ATRNL1: variants seen among roughly 807,000 people sequenced by gnomAD.
ATRNL1 encodes attractin like 1.
In ATRNL1, 95 loss-of-function variants were observed where a neutral mutation model predicts 182.7. That is an observed-to-expected ratio of 0.52 (90% confidence interval 0.44 to 0.62). ATRNL1 has a LOEUF of 0.62. ATRNL1 is among the 20% of genes least tolerant of loss of function. The pLI is 0.00. For synonymous variants in ATRNL1, 576 were observed against 568.3 expected (o/e 1.01, Z -0.19); for missense variants, 1,471 against 1,679.5 (o/e 0.88, Z 2.17).
intron 25 of ATRNL1, among the ~76,000 whole-genome samples, chr10:115,529,665 T>C (rs894544463): frequency 6.6e-6 from 1 of 152,094 alleles, no homozygotes; most frequent in Non-Finnish European, 1.5e-5. Context: ...TCCTGAATCA[T>C]ATAGGAGAAC....
intron 27 of ATRNL1, among the ~76,000 whole-genome samples, chr10:115,845,920 T>C (rs1950917200): frequency 6.6e-6 from 1 of 152,098 alleles, no homozygotes; most frequent in Non-Finnish European, 1.5e-5. Flanking sequence ...TGTTTGCATT[T>C]ATTAAATTAA....
intron 9 of ATRNL1, among the ~76,000 whole-genome samples, chr10:115,223,929 A>ATATATATATATTTTTTT (rs1420143943): frequency 8.9e-5 from 4 of 44,732 alleles, no homozygotes; most frequent in African/African-American, 1.8e-4. Context: ...ATATATATAT[A>ATATATATATATTTTTTT]TTTTTTTTTT....
chr10:115,789,946 TGAA>T (rs782470423), intron 27 of ATRNL1, among the ~76,000 whole-genome samples: 4 of 152,200 alleles, frequency 2.6e-5, no homozygotes, highest in East Asian at 1.9e-4. Context: ...TGAAGGATAG[TGAA>T]GAAGAAGATT....
At chr10:115,750,613 C>T (rs1948421584) in intron 27 of ATRNL1, among the ~76,000 whole-genome samples, 1 of 150,854 alleles carries the variant, frequency 6.6e-6, no homozygotes, top group African/African-American at 2.4e-5. Context: ...ATAAAGGTGA[C>T]AATATGAAAA....
intron 25 of ATRNL1, among the ~76,000 whole-genome samples, chr10:115,529,293 G>C (rs1554987510): frequency 6.6e-6 from 1 of 151,312 alleles, no homozygotes; most frequent in Non-Finnish European, 1.5e-5. Flanking sequence ...CTTAAATATA[G>C]TATTTCTTTA....
At position 115,389,540 on chromosome 10, in the gene ATRNL1, GTATATATATATATATATATATATATATA is replaced by G. The variant is rs58155967; in HGVS notation, c.3176-5095_3176-5068del. Among the ~76,000 whole-genome samples the G allele has an allele frequency of 4.1e-3, 181 of 44,488 alleles. 5 individuals are homozygous for G. The highest frequency in any genetic ancestry group is 0.025 in the Middle Eastern group (1 of 40). The allele number at this position is 44,488 out of a possible 152,430, so 29.2% of individuals were successfully genotyped here. A position where few individuals can be genotyped will look rare whatever the true frequency, so the allele number is the denominator to read the frequency against. Reference sequence around the variant, plus strand: ...CTGAATAGTATTCAAATGTGTATGTGTATATATATATATATATATATATATATATATATATATATATATATATATATTT... The same window carrying G: ...CTGAATAGTATTCAAATGTGTATGTGTATATATATATATATATATATATTT... On this transcript the variant is annotated intron_variant, in intron 19 of 28. Coordinates refer to ENST00000355044, the MANE Select transcript of ATRNL1 (RefSeq NM_207303.4).
intron 26 of ATRNL1, among the ~76,000 whole-genome samples, chr10:115,696,673 G>A (rs1946568958): frequency 6.6e-6 from 1 of 152,052 alleles, no homozygotes; most frequent in Non-Finnish European, 1.5e-5. Flanking sequence ...GCTAGCATCT[G>A]TTATTTTTTT....
At chr10:115,822,319 A>G (rs1555090670) in intron 27 of ATRNL1, among the ~76,000 whole-genome samples, 1 of 152,214 alleles carries the variant, frequency 6.6e-6, no homozygotes, top group Non-Finnish European at 1.5e-5. Flanking sequence ...TGCCCACAGG[A>G]GAAAGCAGGA....
chr10:115,691,212 G>C (rs556624873), intron 26 of ATRNL1, among the ~76,000 whole-genome samples: 1 of 152,042 alleles, frequency 6.6e-6, no homozygotes, highest in Non-Finnish European at 1.5e-5. Flanking sequence ...GTTTTCCATC[G>C]TGCCTGTACC....
chr10:115,404,097 G>A (rs4614352), intron 20 of ATRNL1, among the ~76,000 whole-genome samples: 5 of 152,104 alleles, frequency 3.3e-5, no homozygotes, highest in Non-Finnish European at 7.4e-5. Context: ...TCCTATGTCA[G>A]GTAAATGTTT....
At chr10:115,812,767 G>A (rs754231702) in intron 27 of ATRNL1, among the ~76,000 whole-genome samples, 1 of 151,812 alleles carries the variant, frequency 6.6e-6, no homozygotes, top group Non-Finnish European at 1.5e-5. Flanking sequence ...ATGAACCACC[G>A]TGCCTGGCCT....
chr10:115,827,342 G>A (rs1202653534), intron 27 of ATRNL1, among the ~76,000 whole-genome samples: 1 of 152,204 alleles, frequency 6.6e-6, no homozygotes, highest in African/African-American at 2.4e-5. Context: ...CATAACATTG[G>A]CTTGTGTGCT....
chr10:115,947,123 AAGCT>A lies in ATRNL1; in HGVS notation c.*2345_*2348del, dbSNP rs1953892329. On this transcript the variant is annotated 3_prime_UTR_variant, in exon 29 of 29. Coordinates refer to ENST00000355044, the MANE Select transcript of ATRNL1 (RefSeq NM_207303.4). ...TATGCAATTAATTCTCAACGTATCA[AAGCT>A]TTTCACTGGCAGTAAATTCTTTGCC... The A allele has an allele frequency of 6.6e-6, 1 of 152,642 alleles. No individual in the cohort carries two copies. The highest frequency in any genetic ancestry group is 1.5e-5 in the Non-Finnish European group (1 of 68,038). 9.5% of individuals were successfully genotyped at this position (152,642 alleles called of 1,614,324 possible).
chr10:115,104,793 G>A (rs1482947221), intron 1 of ATRNL1, among the ~76,000 whole-genome samples: 2 of 152,126 alleles, frequency 1.3e-5, no homozygotes, highest in East Asian at 3.9e-4. Flanking sequence ...ACAATTTATT[G>A]AGGAGACTGT....
At chr10:115,480,351 A>T (rs1039670220) in intron 24 of ATRNL1, among the ~76,000 whole-genome samples, 8 of 151,144 alleles carry the variant, frequency 5.3e-5, no homozygotes, top group Admixed American at 4.6e-4. Flanking sequence ...GTATATATAT[A>T]TTTTTTAAAT....
At chr10:115,619,748 TA>T (rs1181221126) in intron 26 of ATRNL1, among the ~76,000 whole-genome samples, 1 of 152,234 alleles carries the variant, frequency 6.6e-6, no homozygotes, top group Non-Finnish European at 1.5e-5. Flanking sequence ...TTAAATTACA[TA>T]AAAATTTCAT....
At chr10:115,848,083 C>T in intron 28 of ATRNL1, 92 bp downstream of exon 28, 1 of 729,906 alleles carries the variant, frequency 1.4e-6, no homozygotes, top group South Asian at 1.6e-5. Flanking sequence ...CAGTAAGGAC[C>T]TTTGCAAGGT....
chr10:115,260,071 G>A (rs1851331488), intron 10 of ATRNL1, among the ~76,000 whole-genome samples: 1 of 152,100 alleles, frequency 6.6e-6, no homozygotes, highest in Non-Finnish European at 1.5e-5. Flanking sequence ...GTATTGAAAG[G>A]CAAATAACTT....
rs779589038 is a variant in ATRNL1 at position 115,946,005 on chromosome 10, A to C, written c.*1226A>C. 1.3e-5 allele frequency: 2 copies of C among 152,236 alleles called. No homozygotes were observed. The highest frequency in any genetic ancestry group is 2.9e-5 in the Non-Finnish European group (2 of 68,040). The allele number at this position is 152,236 out of a possible 1,614,324, so 9.4% of individuals were successfully genotyped here. A position where few individuals can be genotyped will look rare whatever the true frequency, so the allele number is the denominator to read the frequency against. Reference sequence around the variant, plus strand: ...TAAAACATACTTCACATTAGAACACAGAATCATTTACATCCTAATACTGAC... The same window carrying C: ...TAAAACATACTTCACATTAGAACACCGAATCATTTACATCCTAATACTGAC... On this transcript the variant is annotated 3_prime_UTR_variant, in exon 29 of 29. Transcript: ENST00000355044.
Sources: allele counts gnomAD v4.1 joint callset (sites outside exome capture counted in the v4.1 genomes callset), GRCh38; gene constraint gnomAD v4.1.1; transcripts MANE v1.5; gene names NCBI Gene and HGNC (gene_info 2026-07-23, HGNC 2026-07-21).